NAALADL2: variants seen among roughly 807,000 people sequenced by gnomAD.
The protein encoded by NAALADL2 is N-acetylated alpha-linked acidic dipeptidase like 2, also known as inactive N-acetylated-alpha-linked acidic dipeptidase-like protein 2.
A neutral mutation model predicts 87.2 loss-of-function variants in NAALADL2; 76 were observed. The observed-to-expected ratio is 0.87, with a 90% CI of 0.72 to 1.05. The LOEUF (loss-of-function observed/expected upper bound fraction) is 1.05, where lower values mean the gene tolerates loss of function less well. NAALADL2 is among the 50% of genes least tolerant of loss of function. The pLI is 0.00. For synonymous variants in NAALADL2, 354 were observed against 331.0 expected, an observed-to-expected ratio of 1.07 and a Z score of -0.75; for missense variants, 1,089 against 945.8, an observed-to-expected ratio of 1.15 and a Z score of -1.99.
chr3:174,716,196 A>G (rs971933478), intron 2 of NAALADL2, among the ~76,000 whole-genome samples: 1 of 152,188 alleles, frequency 6.6e-6, no homozygotes, highest in Non-Finnish European at 1.5e-5. Flanking sequence ...TCTCTGATGA[A>G]GGGCACAGCT....
chr3:175,610,356 G>T (rs1724448429), intron 10 of NAALADL2, among the ~76,000 whole-genome samples: 3 of 150,916 alleles, frequency 2.0e-5, no homozygotes, highest in Non-Finnish European at 4.4e-5. Flanking sequence ...CAATGACTGT[G>T]TTTTTTTTTA....
intron 1 of NAALADL2, among the ~76,000 whole-genome samples, chr3:174,967,920 C>A (rs372395869): frequency 1.3e-5 from 2 of 152,234 alleles, no homozygotes; most frequent in Non-Finnish European, 1.5e-5. Context: ...ACATAAGAAA[C>A]AATTACCCAT....
At chr3:174,671,675 C>G (rs1190285603) in intron 2 of NAALADL2, among the ~76,000 whole-genome samples, 1 of 151,982 alleles carries the variant, frequency 6.6e-6, no homozygotes, top group Non-Finnish European at 1.5e-5. Context: ...TCCCTTTACC[C>G]CCTCACCTTC....
intron 13 of NAALADL2, among the ~76,000 whole-genome samples, chr3:175,783,569 CT>C (rs201698085): frequency 0.037 from 5,568 of 151,930 alleles, 353 homozygotes; most frequent in African/African-American, 0.13. Context: ...TGAGACTTTG[CT>C]GAAGTTGCTT....
At chr3:175,731,034 A>G (rs1743673003) in intron 11 of NAALADL2, among the ~76,000 whole-genome samples, 1 of 152,226 alleles carries the variant, frequency 6.6e-6, no homozygotes, top group African/African-American at 2.4e-5. Context: ...CAGGAAACAC[A>G]GTAGTAGAGT....
intron 2 of NAALADL2, among the ~76,000 whole-genome samples, chr3:174,683,489 G>T (rs1026179379): frequency 1.3e-5 from 2 of 151,960 alleles, no homozygotes; most frequent in Non-Finnish European, 2.9e-5. Context: ...AATTTACAAA[G>T]AAATAAACCT....
intron 4 of NAALADL2, among the ~76,000 whole-genome samples, chr3:175,321,678 T>C (rs1759888541): frequency 8.8e-6 from 1 of 113,956 alleles, no homozygotes; most frequent in African/African-American, 3.9e-5. Context: ...TCACAAGCAT[T>C]CTTATACACC....
intron 9 of NAALADL2, among the ~76,000 whole-genome samples, chr3:175,557,573 G>C (rs1008969423): frequency 5.3e-5 from 8 of 151,854 alleles, no homozygotes; most frequent in Non-Finnish European, 1.0e-4. Flanking sequence ...CCCAGCCTCT[G>C]GTAACCATCC....
intron 2 of NAALADL2, among the ~76,000 whole-genome samples, chr3:174,730,793 CTT>C (rs1732633671): frequency 1.3e-5 from 2 of 151,890 alleles, no homozygotes; most frequent in South Asian, 4.1e-4. Flanking sequence ...AGACAAAAGT[CTT>C]TTAAGAAGTA....
intron 2 of NAALADL2, among the ~76,000 whole-genome samples, chr3:175,229,772 C>T (rs920808818): frequency 1.3e-4 from 19 of 151,928 alleles, no homozygotes; most frequent in Non-Finnish European, 2.6e-4. Flanking sequence ...ATAAGGATGG[C>T]ATTTCTTCCC....
At chr3:175,475,010 C>A (rs1326686294) in intron 9 of NAALADL2, among the ~76,000 whole-genome samples, 5 of 120,906 alleles carry the variant, frequency 4.1e-5, no homozygotes, top group Admixed American at 1.9e-4. Context: ...TTCTTTCATG[C>A]ACAAACATTT....
chr3:175,314,321 T>C (rs1758760566), intron 4 of NAALADL2, among the ~76,000 whole-genome samples: 1 of 151,392 alleles, frequency 6.6e-6, no homozygotes, highest in Non-Finnish European at 1.5e-5. Context: ...TGGCCAAAAA[T>C]ATTTTATTTA....
intron 5 of NAALADL2, among the ~76,000 whole-genome samples, chr3:175,377,630 G>A (rs1159778019): frequency 2.0e-5 from 3 of 152,188 alleles, no homozygotes; most frequent in African/African-American, 4.8e-5. Flanking sequence ...ATGGCCCACA[G>A]TGAGAACTTA....
chr3:174,627,685 C>G (rs1053624026), intron 2 of NAALADL2, among the ~76,000 whole-genome samples: 50 of 152,128 alleles, frequency 3.3e-4, no homozygotes, highest in Admixed American at 3.0e-3. Flanking sequence ...ATGAAATCAA[C>G]CTGTGTTCAT....
chr3:174,799,435 T>C (rs1429948683), intron 3 of NAALADL2, among the ~76,000 whole-genome samples: 2 of 152,124 alleles, frequency 1.3e-5, no homozygotes, highest in Admixed American at 6.5e-5. Flanking sequence ...TCATGAGATC[T>C]GATGGTTTGA....
At chr3:175,685,579 G>A (rs1211837855) in intron 11 of NAALADL2, among the ~76,000 whole-genome samples, 1 of 151,882 alleles carries the variant, frequency 6.6e-6, no homozygotes, top group Non-Finnish European at 1.5e-5. Flanking sequence ...TGACTGTGGA[G>A]CCAAGCAAGT....
chr3:175,452,461 C>T (rs1721725873), intron 6 of NAALADL2, among the ~76,000 whole-genome samples: 1 of 152,038 alleles, frequency 6.6e-6, no homozygotes, highest in Admixed American at 6.6e-5. Context: ...GCAGAGTGGG[C>T]TTTAATAATA....
At chr3:175,572,882 A>G (rs62285563) in intron 9 of NAALADL2, among the ~76,000 whole-genome samples, 18,863 of 148,606 alleles carry the variant, frequency 0.13, 1,312 homozygotes, top group Middle Eastern at 0.17. Context: ...ATTTAGCAAC[A>G]TAGTGAGACT....
chr3:175,174,020 A>G (rs1735290087), intron 2 of NAALADL2, among the ~76,000 whole-genome samples: 1 of 151,868 alleles, frequency 6.6e-6, no homozygotes, highest in Non-Finnish European at 1.5e-5. Flanking sequence ...TTTATATGGG[A>G]TATTATTTTA....
Sources: allele counts gnomAD v4.1 joint callset (sites outside exome capture counted in the v4.1 genomes callset), GRCh38; gene constraint gnomAD v4.1.1; transcripts MANE v1.5; gene names NCBI Gene and HGNC (gene_info 2026-07-23, HGNC 2026-07-21).